Variants in ERI1 observed in about 807,000 individuals in gnomAD.
The protein encoded by ERI1 is exoribonuclease 1.
Under a neutral mutation model 39.7 loss-of-function variants are expected in ERI1, and 39 were observed. The observed-to-expected ratio is 0.98, with a 90% CI of 0.76 to 1.28. The LOEUF is 1.28. Ranked by LOEUF, ERI1 falls within the 50% of genes most tolerant of loss-of-function variation. ERI1 has a pLI of 0.00. For synonymous variants in ERI1, 204 were observed against 149.6 expected (o/e 1.36, Z -2.65); for missense variants, 581 against 416.9 (o/e 1.39, Z -3.43).
chr8:9,005,930 T>C (rs59374911), intron 1 of ERI1, among the ~76,000 whole-genome samples: 6,270 of 152,296 alleles, frequency 0.041, 369 homozygotes, highest in African/African-American at 0.12. Context: ...CTTAATTGAA[T>C]ACGTGAATAT....
In ERI1 at chr8:9,030,159, G is replaced by A; in HGVS notation, c.*125G>A. 1 of 1,262,796 alleles carries A rather than the reference G, an allele frequency of 7.9e-7. No homozygotes were observed. The highest frequency in any genetic ancestry group is 1.1e-6 in the Non-Finnish European group (1 of 921,990). The allele number at this position is 1,262,796 out of a possible 1,614,324, so 78.2% of individuals were successfully genotyped here. A position where few individuals can be genotyped will look rare whatever the true frequency, so the allele number is the denominator to read the frequency against. On this transcript the variant is annotated 3_prime_UTR_variant, in exon 7 of 7. Transcript: ENST00000250263. ...TAAAACATTTAAAATCTTATTACAG[G>A]TGATAGAGATAGATACATGTATGTG...
Position 9,006,749 on chromosome 8 carries a change from T to C in ERI1, c.109-1221T>C, listed in dbSNP as rs1393827072. On this transcript the variant is annotated intron_variant, in intron 1 of 6. Coordinates refer to ENST00000250263, the MANE Select transcript of ERI1 (RefSeq NM_153332.4). The stretch of plus-strand genomic sequence containing the variant: ...CTTTAATTTATGGACAGTTCACACA[T>C]TGGAACTGCTGACCTCTTCCTCAAA... Among the ~76,000 whole-genome samples the C allele has an allele frequency of 2.0e-5, 3 of 152,312 alleles. No individual in the cohort carries two copies. The East Asian group carries it at 5.8e-4, about 29-fold the overall frequency.
Position 9,011,580 on chromosome 8 carries a change from A to C in ERI1, c.326A>C (p.Tyr109Ser). The C allele has an allele frequency of 6.2e-7, 1 of 1,612,848 alleles. No individual in the cohort carries two copies. The change falls in exon 3 of 7, where the codon TAT becomes TCT. Residue 109 changes from tyrosine (Y) to serine (S), a missense_variant. By Grantham distance (144) the Tyr-to-Ser change is moderately radical. Transcript: ENST00000250263. ...GTTCTAAAGAAGAGACTGAAAAACT[A>C]TTATAAGAAGCAGAAGCTGATGCTG... is the stretch of plus-strand genomic sequence containing the variant. ...KDVLKKRLKN[Y>S]YKKQKLMLKE... is the part of the protein sequence containing the mutation.
rs1248668985 is a variant in ERI1 at position 9,030,816 on chromosome 8, G to C, written c.*782G>C. Reference sequence around the variant, plus strand: ...TCTTAAATCTGAGGGACCATGCTTTGAAATAGACTGAAAATTAAGGGTCAC... The same window carrying C: ...TCTTAAATCTGAGGGACCATGCTTTCAAATAGACTGAAAATTAAGGGTCAC... On this transcript the variant is annotated 3_prime_UTR_variant, in exon 7 of 7. Coordinates refer to ENST00000250263, the MANE Select transcript of ERI1 (RefSeq NM_153332.4). The C allele has an allele frequency of 6.6e-6, 1 of 152,086 alleles. No homozygotes were observed. Among genetic ancestry groups the C allele is most frequent in the Non-Finnish European group, 1.5e-5 (1 of 67,976 alleles). 9.4% of individuals were successfully genotyped at this position (152,086 alleles called of 1,614,324 possible).
chr8:9,100,065 C>G (rs149534604), intron 3 of ERI1: 24 of 152,822 alleles, frequency 1.6e-4, no homozygotes, highest in African/African-American at 5.8e-4. Context: ...TATTCATTAA[C>G]CCCTTCAATA....
chr8:9,058,615 C>G (rs1798588029), intron 3 of ERI1, among the ~76,000 whole-genome samples: 1 of 152,112 alleles, frequency 6.6e-6, no homozygotes, highest in Non-Finnish European at 1.5e-5. Context: ...GAAATGATCC[C>G]TGAAAGTATC....
intron 1 of ERI1, among the ~76,000 whole-genome samples, chr8:9,005,498 A>G (rs963115370): frequency 6.6e-6 from 1 of 151,550 alleles, no homozygotes; most frequent in Non-Finnish European, 1.5e-5. Context: ...TTTAAGTTCA[A>G]CAACAGTTTT....
At chr8:9,071,571 GA>G (rs532427011) in intron 3 of ERI1, among the ~76,000 whole-genome samples, 1 of 152,184 alleles carries the variant, frequency 6.6e-6, no homozygotes, top group Non-Finnish European at 1.5e-5. Context: ...TTCATCTGAG[GA>G]ATGCTTTCTC....
At chr8:9,026,958 C>A (rs964225553) in intron 6 of ERI1, among the ~76,000 whole-genome samples, 1 of 152,072 alleles carries the variant, frequency 6.6e-6, no homozygotes, top group Non-Finnish European at 1.5e-5. Flanking sequence ...TGTACAGATA[C>A]CATTCTTCTT....
At chr8:9,012,067 C>G (rs574333336) in intron 3 of ERI1, among the ~76,000 whole-genome samples, 1 of 152,208 alleles carries the variant, frequency 6.6e-6, no homozygotes, top group Admixed American at 6.5e-5. Flanking sequence ...GATGCCTGGC[C>G]CTAGTCCCAG....
chr8:9,031,202 C>G lies in ERI1; in HGVS notation c.*1168C>G, dbSNP rs1313540265. The stretch of plus-strand genomic sequence containing the variant: ...ATAAAAATTGTGATGCTACTTTATT[C>G]TAAAGATTTATATTTTATAACCAGA... On this transcript the variant is annotated 3_prime_UTR_variant, in exon 7 of 7. Transcript: ENST00000250263. 5.3e-5 allele frequency: 8 copies of G among 152,094 alleles called. No individual in the cohort carries two copies. The East Asian group carries it at 7.7e-4, about 15-fold the overall frequency. The allele number at this position is 152,094 out of a possible 1,614,324, so 9.4% of individuals were successfully genotyped here.
intron 3 of ERI1, among the ~76,000 whole-genome samples, chr8:9,050,029 G>A (rs191528072): frequency 8.9e-4 from 135 of 152,168 alleles, no homozygotes; most frequent in African/African-American, 3.1e-3. Flanking sequence ...TGTTACCTTG[G>A]TAAATTAACC....
chr8:9,042,853 T>G (rs1383026282), intron 3 of ERI1, among the ~76,000 whole-genome samples: 1 of 152,198 alleles, frequency 6.6e-6, no homozygotes, highest in Non-Finnish European at 1.5e-5. Context: ...ACATTTCTGG[T>G]CCCTAGCATT....
chr8:9,099,727 C>T (rs578114350), intron 3 of ERI1: 1 of 152,108 alleles, frequency 6.6e-6, no homozygotes, highest in Non-Finnish European at 1.5e-5. Context: ...TATGATACAG[C>T]AATTTATTTA....
chr8:9,057,716 T>C (rs1798554973), intron 3 of ERI1, among the ~76,000 whole-genome samples: 1 of 152,180 alleles, frequency 6.6e-6, no homozygotes, highest in South Asian at 2.1e-4. Flanking sequence ...AAGATGTTCA[T>C]TGCTTTAGGA....
chr8:9,017,934 A>G (rs1817478359), intron 4 of ERI1, among the ~76,000 whole-genome samples: 1 of 152,132 alleles, frequency 6.6e-6, no homozygotes, highest in Non-Finnish European at 1.5e-5. Flanking sequence ...GAGACCTGAG[A>G]TGGGAAGACA....
chr8:9,069,389 C>G (rs1290599296), intron 3 of ERI1, among the ~76,000 whole-genome samples: 1 of 152,174 alleles, frequency 6.6e-6, no homozygotes, highest in Non-Finnish European at 1.5e-5. Flanking sequence ...TTTATTCCAA[C>G]AGATTTTTAA....
chr8:9,081,440 G>T (rs992263750), intron 3 of ERI1, among the ~76,000 whole-genome samples: 1 of 152,168 alleles, frequency 6.6e-6, no homozygotes, highest in Admixed American at 6.5e-5. Context: ...GTACATACTT[G>T]AAATTTCCCA....
rs761024369 is a variant in ERI1, at chr8:9,020,463, A to T, written c.806A>T (p.Lys269Met). The T allele has an allele frequency of 1.3e-6, 2 of 1,565,898 alleles. No homozygotes were observed. The highest frequency in any genetic ancestry group is 1.7e-6 in the Non-Finnish European group (2 of 1,147,708). Residue 269 changes from lysine to methionine, a missense_variant and splice_region_variant, in exon 6 of 7, where the codon AAG becomes ATG. By Grantham distance (95) the Lys-to-Met change is moderately conservative (BLOSUM62 -1). Transcript: ENST00000250263. Reference sequence around the variant, plus strand: ...CGGAAGTCATATGGAAATTTTTACAAGGTAAAATTTCTATATTTAATAATT... The same window carrying T: ...CGGAAGTCATATGGAAATTTTTACATGGTAAAATTTCTATATTTAATAATT... ...NIRKSYGNFY[K>M]VPRSQTKLTI...
Sources: allele counts gnomAD v4.1 joint callset (sites outside exome capture counted in the v4.1 genomes callset), GRCh38; gene constraint gnomAD v4.1.1; transcripts MANE v1.5; gene names NCBI Gene and HGNC (gene_info 2026-07-23, HGNC 2026-07-21).